The following SLC66A1 variants were observed in gnomAD, a reference collection of about 807,000 sequenced individuals.
SLC66A1 encodes the protein lysosomal amino acid transporter 1 homolog.
Under a neutral mutation model 33.0 loss-of-function variants are expected in SLC66A1, and 23 were observed. The ratio of observed to expected loss-of-function variants is 0.70; its 90% CI spans 0.50 to 0.99. The LOEUF (loss-of-function observed/expected upper bound fraction) is 0.99. Ranked by LOEUF, SLC66A1 falls within the 50% of genes least tolerant of loss-of-function variation. The pLI, the probability that SLC66A1 is intolerant of heterozygous loss-of-function variation, is 0.00. For missense variants in SLC66A1, 335 were observed against 383.6 expected, an observed-to-expected ratio of 0.87 and a Z score of 1.06; for synonymous variants, 164 against 175.5, an observed-to-expected ratio of 0.93 and a Z score of 0.52.
At chr1:19,313,053 G>A (rs1486349531) in intron 1 of SLC66A1, 164 bp downstream of exon 1, 1 of 226,002 alleles carries the variant, frequency 4.4e-6, no homozygotes, top group Non-Finnish European at 7.4e-6. Flanking sequence ...TGGGCTGTTG[G>A]TGTTGAGTGC....
rs2093813753 is a variant in SLC66A1 at position 19,317,793 on chromosome 1, T to G, written c.116T>G (p.Val39Gly). The G allele has an allele frequency of 6.2e-7, 1 of 1,614,044 alleles. No individual in the cohort carries two copies. Among genetic ancestry groups the G allele is most frequent in the African/African-American group, 1.3e-5 (1 of 74,916 alleles). ...CAGGACGGCTGGGACGAGGCCAGCG[T>G]GGGCCTGGGCTTGATCTCCATTCTC... is the stretch of plus-strand genomic sequence containing the variant. Reference protein sequence around the residue: ...CAQDGWDEASVGLGLISILCF... With the variant: ...CAQDGWDEASGGLGLISILCF... The change falls in exon 2 of 8, where the codon GTG becomes GGG. Residue 39 changes from valine to glycine, a missense_variant. Val to Gly is a moderately radical substitution (Grantham distance 109). Coordinates refer to ENST00000375153, the MANE Select transcript of SLC66A1 (RefSeq NM_001040125.2).
chr1:19,326,325 G>T lies in SLC66A1; in HGVS notation c.463G>T (p.Val155Leu). ...ATPLLSAAGP[V>L]AAPREAFRGR... ...ACCGCTGCTGAGTGCTGCTGGGCCC[G>T]TGGCTGCCCCTAGGGAAGCCTTCCG... The change falls in exon 5 of 8, where the codon GTG (valine) becomes TTG (leucine). Residue 155 changes from valine (V) to leucine (L), a missense_variant. Physicochemically the swap from Val to Leu is conservative, Grantham distance 32. Coordinates refer to ENST00000375153, the MANE Select transcript of SLC66A1 (RefSeq NM_001040125.2). 1 of 1,606,812 alleles carries T rather than the reference G, an allele frequency of 6.2e-7. No homozygotes were observed.
chr1:19,317,598 A>G lies in SLC66A1; in HGVS notation c.-78-2A>G. 1 of 1,564,124 alleles carries G rather than the reference A, an allele frequency of 6.4e-7. No individual in the cohort carries two copies. Among genetic ancestry groups the G allele is most frequent in the South Asian group, 1.2e-5 (1 of 83,552 alleles). On this transcript the variant is annotated splice_acceptor_variant, in intron 1 of 7. Transcript: ENST00000375153. LOFTEE classifies it low-confidence loss of function (5UTR_SPLICE). ...GAAAGCCTCCTCCCTTCCTCCCTGT[A>G]GAACCCTTGCTGGCCTCAGAACACC...
At chr1:19,333,653 C>T (rs571930879), downstream of SLC66A1, among the ~76,000 whole-genome samples, 10 of 152,230 alleles carry the variant, frequency 6.6e-5, no homozygotes, top group African/African-American at 2.4e-4. The surrounding 1 kb of genome is among the most constrained non-coding windows in gnomAD (Gnocchi z 4.2). Flanking sequence ...GATGGTAAAG[C>T]TTTAAACTGA....
In SLC66A1 at chr1:19,317,759, G is replaced by A; in HGVS notation, c.82G>A (p.Glu28Lys). 1.9e-6 allele frequency: 3 copies of A among 1,614,230 alleles called. No homozygotes were observed. Among genetic ancestry groups the A allele is most frequent in the Non-Finnish European group, 2.5e-6 (3 of 1,180,044 alleles). The change falls in exon 2 of 8, where the codon GAA becomes AAA. Residue 28 changes from glutamate to lysine, a missense_variant. Coordinates refer to ENST00000375153, the MANE Select transcript of SLC66A1 (RefSeq NM_001040125.2). ...SIQWIWDVLG[E>K]CAQDGWDEAS... The stretch of plus-strand genomic sequence containing the variant: ...CCAGTGGATATGGGATGTGTTGGGT[G>A]AATGTGCCCAGGACGGCTGGGACGA...
At chr1:19,324,388 G>T (rs993988377) in intron 2 of SLC66A1, among the ~76,000 whole-genome samples, 2 of 152,234 alleles carry the variant, frequency 1.3e-5, no homozygotes, top group Non-Finnish European at 2.9e-5. Flanking sequence ...TAAGGCTGCG[G>T]CTTTCCCTGG....
intron 2 of SLC66A1, among the ~76,000 whole-genome samples, chr1:19,320,872 T>C (rs214312): frequency 0.45 from 66,099 of 148,272 alleles, 16,172 homozygotes; most frequent in African/African-American, 0.54. Flanking sequence ...CCCACCACAC[T>C]CAGCTAATTT....
chr1:19,319,125 C>T (rs1176724315), intron 2 of SLC66A1, among the ~76,000 whole-genome samples: 1 of 152,240 alleles, frequency 6.6e-6, no homozygotes, highest in Admixed American at 6.5e-5. Flanking sequence ...ATTGTTTTAA[C>T]AGCTTTATTG....
chr1:19,325,617 AC>A, intron 4 of SLC66A1, 35 bp downstream of exon 4: 1 of 1,089,186 alleles, frequency 9.2e-7, no homozygotes, highest in Non-Finnish European at 1.4e-6. Context: ...CAGATGCTCT[AC>A]CAGCAGCAGG....
At chr1:19,332,146 G>C (rs1333361185), downstream of SLC66A1, among the ~76,000 whole-genome samples, 4 of 152,190 alleles carry the variant, frequency 2.6e-5, no homozygotes, top group South Asian at 2.1e-4. Flanking sequence ...TGGTGGCCTG[G>C]GTCCCTGGAG....
chr1:19,317,959 G>A (rs2093814677), intron 2 of SLC66A1, 118 bp downstream of exon 2: 2 of 1,445,190 alleles, frequency 1.4e-6, no homozygotes, highest in Non-Finnish European at 9.4e-7. Flanking sequence ...ACTAGAGGCT[G>A]GGGTGTGTTC....
downstream of SLC66A1, among the ~76,000 whole-genome samples, chr1:19,332,840 A>G (rs1162528989): frequency 1.3e-5 from 2 of 152,136 alleles, no homozygotes; most frequent in Non-Finnish European, 2.9e-5. Context: ...TGGTGTGATC[A>G]AGGAAATGGA....
At chr1:19,327,170 A>G in intron 6 of SLC66A1, 57 bp from the exon 7 acceptor site, 4 of 1,495,354 alleles carry the variant, frequency 2.7e-6, no homozygotes, top group Non-Finnish European at 3.7e-6. Context: ...GACAGTTACA[A>G]TCCAGAGTGA....
At position 19,317,838 on chromosome 1, in the gene SLC66A1, T is replaced by C; in HGVS notation, c.161T>C (p.Phe54Ser). 6.2e-7 allele frequency: 1 copy of C among 1,613,256 alleles called. No individual in the cohort carries two copies. Among genetic ancestry groups the C allele is most frequent in the Non-Finnish European group, 8.5e-7 (1 of 1,179,466 alleles). Residue 54 changes from phenylalanine (F) to serine (S), a missense_variant, in exon 2 of 8, where the codon TTC becomes TCC. Transcript: ENST00000375153. Reference protein sequence around the residue: ...ISILCFAASTFPQFIKAYKTG... With the variant: ...ISILCFAASTSPQFIKAYKTG... ...ATTCTCTGCTTTGCTGCATCTACCT[T>C]CCCGTGAGTAGTGTCTTGGTGGCAG...
downstream of SLC66A1, among the ~76,000 whole-genome samples, chr1:19,332,996 G>A (rs1055745923): frequency 6.6e-5 from 10 of 152,234 alleles, no homozygotes; most frequent in Non-Finnish European, 8.8e-5. Flanking sequence ...GTATGGGGAA[G>A]TGACATGCGC....
chr1:19,314,773 T>A (rs1478171764), intron 1 of SLC66A1, among the ~76,000 whole-genome samples: 1 of 152,186 alleles, frequency 6.6e-6, no homozygotes, highest in Non-Finnish European at 1.5e-5. Flanking sequence ...CAGCCTTGTG[T>A]TCAGACTCTG....
intron 2 of SLC66A1, among the ~76,000 whole-genome samples, chr1:19,322,573 G>A (rs1366259777): frequency 6.6e-6 from 1 of 152,202 alleles, no homozygotes; most frequent in Non-Finnish European, 1.5e-5. Flanking sequence ...GGGAATCTGG[G>A]AGGGACGGGG....
intron 1 of SLC66A1, among the ~76,000 whole-genome samples, chr1:19,313,738 C>A (rs1470266953): frequency 6.6e-6 from 1 of 152,180 alleles, no homozygotes; most frequent in Non-Finnish European, 1.5e-5. Context: ...GAGGGCAGTT[C>A]TTGGAGTAAC....
rs984998304 is a variant in SLC66A1, at chr1:19,312,870, C to T, written c.-98C>T. The T allele has an allele frequency of 1.3e-5, 2 of 152,868 alleles. No homozygotes were observed. Among genetic ancestry groups the T allele is most frequent in the Admixed American group, 6.5e-5 (1 of 15,294 alleles). The allele number at this position is 152,868 out of a possible 1,614,324, so 9.5% of individuals were successfully genotyped here. On this transcript the variant is annotated 5_prime_UTR_variant, in exon 1 of 8. Transcript: ENST00000375153. ...CAGGGACCGAGGGCCTACACTGCCTCCTCCCACGCCGTGCTTAGGGTAGGT... is the reference window on the plus strand; with the variant it reads ...CAGGGACCGAGGGCCTACACTGCCTTCTCCCACGCCGTGCTTAGGGTAGGT...
Sources: allele counts gnomAD v4.1 joint callset (sites outside exome capture counted in the v4.1 genomes callset), GRCh38; gene constraint gnomAD v4.1.1; non-coding constraint Gnocchi (gnomAD v3.1); transcripts MANE v1.5; gene names NCBI Gene and HGNC (gene_info 2026-07-23, HGNC 2026-07-21).